Variants in KCNQ3 observed in about 807,000 individuals in gnomAD.
KCNQ3 encodes potassium voltage-gated channel subfamily KQT member 3.
Under a neutral mutation model 92.5 loss-of-function variants are expected in KCNQ3, and 30 were observed. That is an observed-to-expected ratio of 0.32 (90% confidence interval 0.24 to 0.44). The LOEUF (loss-of-function observed/expected upper bound fraction) is 0.44. Ranked by LOEUF, KCNQ3 falls within the 20% of genes least tolerant of loss-of-function variation. The pLI is 1.00. For synonymous variants in KCNQ3, 450 were observed against 468.8 expected (o/e 0.96, Z 0.52); for missense variants, 913 against 1,140.3 (o/e 0.80, Z 2.87).
intron 1 of KCNQ3, among the ~76,000 whole-genome samples, chr8:132,199,209 G>T (rs548875817): frequency 6.6e-6 from 1 of 152,202 alleles, no homozygotes. Context: ...AAAACCAACT[G>T]ATACTTTAAA....
rs911247684 is a variant in KCNQ3, at chr8:132,292,347, G to A, written c.387-106166C>T. On this transcript the variant is annotated intron_variant, in intron 1 of 14. Transcript: ENST00000388996. ...CCTATGTAATTCTCATCCAATCTTA[G>A]GAGTATGAGGTAAACATTATTCATC... Among the ~76,000 whole-genome samples, 3 of 152,226 alleles carry A rather than the reference G, an allele frequency of 2.0e-5. No individual in the cohort carries two copies. The East Asian group carries it at 5.8e-4, about 29-fold the overall frequency.
At chr8:132,215,606 C>A (rs548592654) in intron 1 of KCNQ3, among the ~76,000 whole-genome samples, 1 of 152,174 alleles carries the variant, frequency 6.6e-6, no homozygotes, top group Non-Finnish European at 1.5e-5. Flanking sequence ...CTGTTTCCCA[C>A]GCTTCTGCCT....
chr8:132,267,751 G>A (rs192276467), intron 1 of KCNQ3, among the ~76,000 whole-genome samples: 9 of 152,268 alleles, frequency 5.9e-5, no homozygotes, highest in Non-Finnish European at 4.4e-5. Context: ...TGATAGCCCA[G>A]GAATCTGCAT....
intron 9 of KCNQ3, 152 bp from the exon 10 acceptor site, chr8:132,141,483 G>T (rs1314679793): frequency 2.7e-6 from 2 of 747,870 alleles, no homozygotes; most frequent in African/African-American, 3.5e-5. Flanking sequence ...GCTTGGAATC[G>T]GACAGGGCGT....
chr8:132,139,957 T>A (rs1171283157), intron 11 of KCNQ3, 119 bp downstream of exon 11: 2 of 696,086 alleles, frequency 2.9e-6, no homozygotes, highest in Non-Finnish European at 4.9e-6. Context: ...TCAGGGTTAG[T>A]GGAGGGGCTT....
At chr8:132,283,486 C>T (rs907241547) in intron 1 of KCNQ3, among the ~76,000 whole-genome samples, 11 of 152,180 alleles carry the variant, frequency 7.2e-5, no homozygotes, top group African/African-American at 2.7e-4. Context: ...GTATTTGTTT[C>T]CATATGTTCT....
chr8:132,187,903 A>AGTGATAG (rs1827048252), intron 1 of KCNQ3, among the ~76,000 whole-genome samples: 1 of 55,098 alleles, frequency 1.8e-5, no homozygotes, highest in East Asian at 5.5e-4. Flanking sequence ...GGTGGTGGTG[A>AGTGATAG]TGGTGGTGGT....
chr8:132,183,929 C>T (rs1031675174), intron 3 of KCNQ3, among the ~76,000 whole-genome samples: 2 of 152,156 alleles, frequency 1.3e-5, no homozygotes, highest in African/African-American at 2.4e-5. Context: ...GCTACTACTC[C>T]AGGGACTGGG....
chr8:132,153,085 A>G (rs1369044746), intron 9 of KCNQ3, among the ~76,000 whole-genome samples: 10 of 152,136 alleles, frequency 6.6e-5, no homozygotes, highest in African/African-American at 2.4e-4. Flanking sequence ...TTTTGCCTAC[A>G]TTTTAGACTA....
intron 9 of KCNQ3, among the ~76,000 whole-genome samples, chr8:132,159,032 T>TCAA (rs1411709081): frequency 5.9e-5 from 9 of 152,316 alleles, no homozygotes; most frequent in Middle Eastern, 3.4e-3. Context: ...GCAACTGCTG[T>TCAA]CAACACAGTT....
At chr8:132,317,828 C>T (rs956683079) in intron 1 of KCNQ3, among the ~76,000 whole-genome samples, 2 of 152,150 alleles carry the variant, frequency 1.3e-5, no homozygotes, top group African/African-American at 4.8e-5. Context: ...TAGATTCATG[C>T]TCAGAGAGAG....
intron 9 of KCNQ3, among the ~76,000 whole-genome samples, chr8:132,156,475 A>G (rs144925704): frequency 6.6e-4 from 100 of 152,252 alleles, no homozygotes; most frequent in African/African-American, 2.3e-3. Flanking sequence ...CTGGTTAAAG[A>G]GAAGAAATGA....
chr8:132,475,463 T>C (rs1353628615), intron 1 of KCNQ3, among the ~76,000 whole-genome samples: 2 of 152,144 alleles, frequency 1.3e-5, no homozygotes, highest in Non-Finnish European at 2.9e-5. Context: ...CAGATGGAGA[T>C]GAGGAACTTA....
rs183691606 is a variant in KCNQ3, at chr8:132,151,243, C to A, written c.1263-9912G>T. ...CATAATCAAAACAAATTACCAGGTT[C>A]TACATTAAAAAATTGCTAACTGTTA... On this transcript the variant is annotated intron_variant, in intron 9 of 14. Transcript: ENST00000388996. Among the ~76,000 whole-genome samples, 75 of 152,214 alleles carry A rather than the reference C, an allele frequency of 4.9e-4. 1 individual carries two copies. In the East Asian group the frequency reaches 6.9e-3, roughly 14 times the overall value.
chr8:132,251,770 CT>C (rs1815418121), intron 1 of KCNQ3, among the ~76,000 whole-genome samples: 1 of 152,192 alleles, frequency 6.6e-6, no homozygotes, highest in Non-Finnish European at 1.5e-5. Context: ...TCAGAGAATG[CT>C]TAAAAACATA....
At chr8:132,376,368 G>C (rs1819608666) in intron 1 of KCNQ3, among the ~76,000 whole-genome samples, 1 of 152,174 alleles carries the variant, frequency 6.6e-6, no homozygotes, top group African/African-American at 2.4e-5. Flanking sequence ...GGTGCTGGCA[G>C]TCCACAATTG....
rs563050607 is a variant in KCNQ3 at position 132,177,957 on chromosome 8, C to A, written c.777+2200G>T. ...ATGTGCAGAGAGCTCTGCTCCAGAG[C>A]CCATTCCCACCCCTGGGAAACAGTC... is the stretch of plus-strand genomic sequence containing the variant. On this transcript the variant is annotated intron_variant, in intron 4 of 14. Coordinates refer to ENST00000388996, the MANE Select transcript of KCNQ3 (RefSeq NM_004519.4). 2.4e-4 allele frequency among the ~76,000 whole-genome samples: 37 copies of A among 152,354 alleles called. No homozygotes were observed. The South Asian group carries it at 7.0e-3, about 29-fold the overall frequency.
chr8:132,183,671 C>T (rs1226891123), intron 3 of KCNQ3, among the ~76,000 whole-genome samples: 1 of 152,188 alleles, frequency 6.6e-6, no homozygotes, highest in African/African-American at 2.4e-5. Flanking sequence ...ATTCCAGTGA[C>T]ACCTCTCAAG....
chr8:132,424,008 C>A (rs554343232), intron 1 of KCNQ3, among the ~76,000 whole-genome samples: 2 of 152,316 alleles, frequency 1.3e-5, no homozygotes, highest in South Asian at 4.2e-4. Flanking sequence ...TTAAATGTTT[C>A]TCCCATAACT....
Sources: allele counts gnomAD v4.1 joint callset (sites outside exome capture counted in the v4.1 genomes callset), GRCh38; gene constraint gnomAD v4.1.1; transcripts MANE v1.5; gene names NCBI Gene and HGNC (gene_info 2026-07-23, HGNC 2026-07-21).